Variants in TSPEAR observed in about 807,000 individuals in gnomAD.
The protein encoded by TSPEAR is thrombospondin-type laminin G domain and EAR repeat-containing protein.
In TSPEAR, 69 loss-of-function variants were observed where a neutral mutation model predicts 71.6. That is an observed-to-expected ratio of 0.96 (90% CI 0.79 to 1.18). The LOEUF (loss-of-function observed/expected upper bound fraction) is 1.18, where lower values mean the gene tolerates loss of function less well. Ranked by LOEUF, TSPEAR falls within the 50% of genes most tolerant of loss-of-function variation. TSPEAR has a pLI of 0.00. For missense variants in TSPEAR, 971 were observed against 894.9 expected, an observed-to-expected ratio of 1.09 and a Z score of -1.09; for synonymous variants, 402 against 387.2, an observed-to-expected ratio of 1.04 and a Z score of -0.45.
intron 2 of TSPEAR, chr21:44,558,222 A>G (rs2146048403): frequency 3.8e-6 from 6 of 1,566,720 alleles, no homozygotes; most frequent in Non-Finnish European, 5.2e-6. Flanking sequence ...GGACCTGCAC[A>G]CGGGGCGGCA....
At chr21:44,701,256 C>T (rs797035938) in intron 1 of TSPEAR, among the ~76,000 whole-genome samples, 9 of 152,288 alleles carry the variant, frequency 5.9e-5, no homozygotes, top group East Asian at 1.9e-4. Flanking sequence ...TTTCTCTCTG[C>T]GGGGAACATT....
chr21:44,500,515 G>A (rs2052010944), intron 11 of TSPEAR, among the ~76,000 whole-genome samples: 1 of 152,256 alleles, frequency 6.6e-6, no homozygotes, highest in Non-Finnish European at 1.5e-5. Flanking sequence ...CAAAGGGCAC[G>A]AGTTGTTTAC....
At chr21:44,651,979 CTTTTTTTTTT>C (rs60867977) in intron 1 of TSPEAR, among the ~76,000 whole-genome samples, 15 of 124,518 alleles carry the variant, frequency 1.2e-4, no homozygotes, top group Middle Eastern at 5.2e-3. Flanking sequence ...ATAAAACTTT[CTTTTTTTTTT>C]TTTTTTTTTT....
intron 1 of TSPEAR, among the ~76,000 whole-genome samples, chr21:44,667,123 G>A (rs1356300445): frequency 6.6e-6 from 1 of 152,202 alleles, no homozygotes; most frequent in Non-Finnish European, 1.5e-5. Context: ...CTCTTGGTAT[G>A]CTTGGAAACC....
At chr21:44,588,645 G>A (rs1315830268) in intron 1 of TSPEAR, among the ~76,000 whole-genome samples, 3 of 148,098 alleles carry the variant, frequency 2.0e-5, no homozygotes, top group Non-Finnish European at 3.0e-5. Flanking sequence ...ATCAATCAAC[G>A]AGTGGATAAA....
chr21:44,555,020 T>A (rs587745722), intron 2 of TSPEAR, among the ~76,000 whole-genome samples: 1 of 152,334 alleles, frequency 6.6e-6, no homozygotes, highest in South Asian at 2.1e-4. Context: ...AAAAGCTATT[T>A]ATTGGTACAA....
At chr21:44,589,519 C>T (rs1214670366) in intron 1 of TSPEAR, among the ~76,000 whole-genome samples, 2 of 152,204 alleles carry the variant, frequency 1.3e-5, no homozygotes, top group Non-Finnish European at 2.9e-5. Context: ...ACTGGAGTGG[C>T]AGGATCACAG....
rs782378709 is a variant in TSPEAR, at chr21:44,558,198, G to C, written c.303+9587C>G. ...GGCAGGGGCACAGCAGGAGGGGATG[G>C]GCACACAGCAGGTGGACCTGCACAC... On this transcript the variant is annotated intron_variant, in intron 2 of 11. Coordinates refer to ENST00000323084, the MANE Select transcript of TSPEAR (RefSeq NM_144991.3). The C allele has an allele frequency of 3.9e-6, 6 of 1,553,886 alleles. No homozygotes were observed. The African/African-American group carries it at 6.8e-5, about 18-fold the overall frequency.
At chr21:44,700,163 G>A (rs1987582749) in intron 1 of TSPEAR, among the ~76,000 whole-genome samples, 2 of 152,206 alleles carry the variant, frequency 1.3e-5, no homozygotes, top group Admixed American at 6.5e-5. Flanking sequence ...CTTTGTCCAA[G>A]AGAAGATGCT....
intron 1 of TSPEAR, among the ~76,000 whole-genome samples, chr21:44,680,959 C>T (rs1029036351): frequency 6.6e-6 from 1 of 152,124 alleles, no homozygotes; most frequent in African/African-American, 2.4e-5. Context: ...CATAGGGTGA[C>T]TACAGTTAAC....
chr21:44,673,758 GTA>G (rs1203311290), intron 1 of TSPEAR, among the ~76,000 whole-genome samples: 1 of 152,028 alleles, frequency 6.6e-6, no homozygotes, highest in Non-Finnish European at 1.5e-5. Flanking sequence ...ATAATATCAA[GTA>G]TCTTCTCAGA....
chr21:44,615,693 G>A (rs1394831089), intron 1 of TSPEAR, among the ~76,000 whole-genome samples: 2 of 152,082 alleles, frequency 1.3e-5, no homozygotes, highest in African/African-American at 2.4e-5. Context: ...CACAGCGAGT[G>A]CAGCTGAAGA....
intron 2 of TSPEAR, among the ~76,000 whole-genome samples, chr21:44,548,260 G>T (rs1555917993): frequency 1.3e-5 from 2 of 152,212 alleles, no homozygotes; most frequent in African/African-American, 4.8e-5. Context: ...AGAAACTCGG[G>T]CTGCTGCCTT....
intron 1 of TSPEAR, among the ~76,000 whole-genome samples, chr21:44,667,994 A>G (rs1203724928): frequency 2.6e-5 from 4 of 152,222 alleles, no homozygotes; most frequent in Admixed American, 2.0e-4. Flanking sequence ...CTTTTTCTCT[A>G]ATATTGGGAA....
At position 44,711,558 on chromosome 21, in the gene TSPEAR, T is replaced by A. The variant is rs782697962; in HGVS notation, c.-44A>T. The A allele has an allele frequency of 1.3e-6, 2 of 1,574,562 alleles. No individual in the cohort carries two copies. The highest frequency in any genetic ancestry group is 8.6e-7 in the Non-Finnish European group (1 of 1,157,178). On this transcript the variant is annotated 5_prime_UTR_variant, in exon 1 of 12. Transcript: ENST00000323084. This position sits in a 1 kb window ranked among gnomAD's most constrained non-coding sequence, Gnocchi z 4.5. Reference sequence around the variant, plus strand: ...GCTCCATCCAGGGCTCCGCTCAGCCTGCAGGGAAGTGGCTGCTCCTCAGAC... The same window carrying A: ...GCTCCATCCAGGGCTCCGCTCAGCCAGCAGGGAAGTGGCTGCTCCTCAGAC...
At chr21:44,518,363 C>A (rs1405636498) in intron 9 of TSPEAR, 2 of 449,076 alleles carry the variant, frequency 4.5e-6, no homozygotes, top group Non-Finnish European at 9.1e-6. Flanking sequence ...GCATCTTGAG[C>A]ACCTTGGTGC....
At chr21:44,666,502 A>C in intron 1 of TSPEAR, 2 of 1,611,610 alleles carry the variant, frequency 1.2e-6, no homozygotes, top group Non-Finnish European at 1.7e-6. Context: ...CTGGTGCAGG[A>C]GGGCTGGCAG....
intron 8 of TSPEAR, among the ~76,000 whole-genome samples, chr21:44,523,407 TAAGTCAGG>T (rs1183917286): frequency 5.3e-5 from 8 of 152,074 alleles, no homozygotes; most frequent in African/African-American, 1.7e-4. Context: ...AGGTAGTTAA[TAAGTCAGG>T]TAGTCAGGTA....
At chr21:44,700,755 TG>T (rs1987610083) in intron 1 of TSPEAR, among the ~76,000 whole-genome samples, 1 of 152,154 alleles carries the variant, frequency 6.6e-6, no homozygotes, top group South Asian at 2.1e-4. Flanking sequence ...GAAATTCAGG[TG>T]TCACTGTTAA....
Sources: allele counts gnomAD v4.1 joint callset (sites outside exome capture counted in the v4.1 genomes callset), GRCh38; gene constraint gnomAD v4.1.1; non-coding constraint Gnocchi (gnomAD v3.1); transcripts MANE v1.5; gene names NCBI Gene and HGNC (gene_info 2026-07-23, HGNC 2026-07-21).